Variants in HACD1 observed in about 807,000 individuals in gnomAD.
HACD1 encodes the protein 3-hydroxyacyl-CoA dehydratase 1, also known as very-long-chain (3R)-3-hydroxyacyl-CoA dehydratase 1.
A neutral mutation model predicts 32.0 loss-of-function variants in HACD1; 41 were observed. That is an observed-to-expected ratio of 1.28 (90% CI 1.00 to 1.66). HACD1 has a LOEUF of 1.66. HACD1 is among the 40% of genes most tolerant of loss of function. HACD1 has a pLI of 0.00. For synonymous variants in HACD1, 142 were observed against 139.0 expected (o/e 1.02, Z -0.15); for missense variants, 396 against 380.1 (o/e 1.04, Z -0.35).
At chr10:17,601,181 G>A (rs987293992) in intron 4 of HACD1, among the ~76,000 whole-genome samples, 10 of 151,896 alleles carry the variant, frequency 6.6e-5, no homozygotes, top group South Asian at 2.1e-4. Context: ...CTACAGGTGC[G>A]CACCACCACA....
At chr10:17,596,831 C>G (rs11254679) in intron 5 of HACD1, among the ~76,000 whole-genome samples, 4,244 of 152,138 alleles carry the variant, frequency 0.028, 197 homozygotes, top group African/African-American at 0.097. Context: ...AGGACTTTTC[C>G]AAGAACACTT....
At chr10:17,608,473 C>T (rs558590744) in intron 1 of HACD1, among the ~76,000 whole-genome samples, 2 of 152,172 alleles carry the variant, frequency 1.3e-5, no homozygotes, top group South Asian at 4.1e-4. Flanking sequence ...CGAAGATAGT[C>T]TTCAACTTTC....
rs564809555 is a variant in HACD1, at chr10:17,605,455, G to A, written c.258-1408C>T. On this transcript the variant is annotated intron_variant, in intron 1 of 6. Transcript: ENST00000361271. ...CAGGAGAATTGCTCCAACCTGGGAA[G>A]TGGAGGTTGCAGTGAGCCAAGATCA... Among the ~76,000 whole-genome samples, 231 of 151,504 alleles carry A rather than the reference G, an allele frequency of 1.5e-3. 1 individual carries two copies. Among genetic ancestry groups the A allele is most frequent in the Non-Finnish European group, 2.7e-3 (186 of 67,924 alleles).
At chr10:17,598,338 A>C (rs782777197) in intron 5 of HACD1, among the ~76,000 whole-genome samples, 1 of 151,882 alleles carries the variant, frequency 6.6e-6, no homozygotes, top group Non-Finnish European at 1.5e-5. Flanking sequence ...AGAGATTATA[A>C]GTAATTTAAA....
chr10:17,605,328 C>A (rs1388745919), intron 1 of HACD1, among the ~76,000 whole-genome samples: 1 of 151,940 alleles, frequency 6.6e-6, no homozygotes, highest in Non-Finnish European at 1.5e-5. Context: ...GGTTTGAGAC[C>A]AGTCTGGCCA....
intron 5 of HACD1, among the ~76,000 whole-genome samples, chr10:17,597,054 ATTAT>A (rs879960772): frequency 5.0e-4 from 76 of 152,306 alleles, no homozygotes; most frequent in Non-Finnish European, 4.6e-4. Flanking sequence ...ATGAAACATA[ATTAT>A]TTATGATTAT....
intron 6 of HACD1, 34 bp from the exon 7 acceptor site, chr10:17,590,480 T>C (rs1554815487): frequency 1.4e-6 from 2 of 1,476,816 alleles, no homozygotes; most frequent in South Asian, 2.4e-5. Context: ...AAAAACAAGC[T>C]ATTGCTTTAA....
At position 17,603,631 on chromosome 10, in the gene HACD1, C is replaced by T. The variant is rs141646017; in HGVS notation, c.412G>A (p.Val138Met). The change falls in exon 4 of 7, where the codon GTG becomes ATG. Residue 138 changes from valine (V) to methionine (M), a missense_variant. Val to Met is a conservative substitution (Grantham distance 21). Transcript: ENST00000361271. ...CTCACTTGGACCCCAGTCACAATCACAGAAGTAGGTACAATTCCTTAAAAA... is the reference window on the plus strand; with the variant it reads ...CTCACTTGGACCCCAGTCACAATCATAGAAGTAGGTACAATTCCTTAAAAA... Reference protein sequence around the residue: ...HCLIGIVPTSVIVTGVQVSSR... With the variant: ...HCLIGIVPTSMIVTGVQVSSR... The T allele has an allele frequency of 8.3e-5, 134 of 1,613,214 alleles. No individual in the cohort carries two copies. Among genetic ancestry groups the T allele is most frequent in the Admixed American group, 1.3e-4 (8 of 60,004 alleles).
chr10:17,611,003 T>C (rs919760245), intron 1 of HACD1, among the ~76,000 whole-genome samples: 4 of 147,168 alleles, frequency 2.7e-5, no homozygotes, highest in Non-Finnish European at 4.5e-5. Flanking sequence ...CCTCTTCTTT[T>C]TTTTTTTTTT....
chr10:17,590,078 C>G lies in HACD1; in HGVS notation c.*286G>C, dbSNP rs1364474515. The G allele has an allele frequency of 5.5e-5, 11 of 201,542 alleles. No homozygotes were observed. Among genetic ancestry groups the G allele is most frequent in the African/African-American group, 1.8e-4 (8 of 43,340 alleles). 12.5% of individuals were successfully genotyped at this position (201,542 alleles called of 1,614,324 possible). Reference sequence around the variant, plus strand: ...GATTTAAAAAGCTTTGAGCATGTTTCAAAAAAAACTTAGCAAAAGTTTTTT... The same window carrying G: ...GATTTAAAAAGCTTTGAGCATGTTTGAAAAAAAACTTAGCAAAAGTTTTTT... On this transcript the variant is annotated 3_prime_UTR_variant, in exon 7 of 7. Coordinates refer to ENST00000361271, the MANE Select transcript of HACD1 (RefSeq NM_014241.4).
chr10:17,590,589 A>G, intron 6 of HACD1, 143 bp from the exon 7 acceptor site: 2 of 529,778 alleles, frequency 3.8e-6, no homozygotes, highest in East Asian at 6.5e-5. Context: ...GCTCAAGACT[A>G]TAAGAGTGCA....
At chr10:17,609,315 G>A (rs546328560) in intron 1 of HACD1, among the ~76,000 whole-genome samples, 162 of 151,860 alleles carry the variant, frequency 1.1e-3, no homozygotes, top group Non-Finnish European at 1.9e-3. Flanking sequence ...CACCACGCCC[G>A]GCTAATTTGT....
At position 17,590,202 on chromosome 10, in the gene HACD1, C is replaced by T; in HGVS notation, c.*162G>A. 2.2e-6 allele frequency: 1 copy of T among 463,834 alleles called. No individual in the cohort carries two copies. The highest frequency in any genetic ancestry group is 4.0e-5 in the Admixed American group (1 of 24,856). 28.7% of individuals were successfully genotyped at this position (463,834 alleles called of 1,614,324 possible). ...GTTCTTGTAAAAAATAGATCTGGCA[C>T]AAGAGGAACACAAATACTGGCAAAT... is the stretch of plus-strand genomic sequence containing the variant. On this transcript the variant is annotated 3_prime_UTR_variant, in exon 7 of 7. Coordinates refer to ENST00000361271, the MANE Select transcript of HACD1 (RefSeq NM_014241.4).
intron 1 of HACD1, among the ~76,000 whole-genome samples, chr10:17,611,328 C>T (rs1834232924): frequency 6.6e-6 from 1 of 152,126 alleles, no homozygotes; most frequent in South Asian, 2.1e-4. Flanking sequence ...CAACAGATGT[C>T]TTGCAATTTC....
At position 17,617,277 on chromosome 10, in the gene HACD1, C is replaced by A; in HGVS notation, c.63G>T (p.Gly21=). Residue 21 remains glycine, a synonymous_variant, in exon 1 of 7, where the codon GGG becomes GGT. Coordinates refer to ENST00000361271, the MANE Select transcript of HACD1 (RefSeq NM_014241.4). ...GSGSRAAGWA[G]SPPTLLPLSP... is the part of the protein sequence containing the mutation. ...ACAGCGGCAGGAGCGTGGGAGGGGA[C>A]CCTGCCCAGCCTGCAGCCCGAGAGC... 1 of 1,465,244 alleles carries A rather than the reference C, an allele frequency of 6.8e-7. No individual in the cohort carries two copies. 90.8% of individuals were successfully genotyped at this position (1,465,244 alleles called of 1,614,324 possible). A position where few individuals can be genotyped will look rare whatever the true frequency, so the allele number is the denominator to read the frequency against.
chr10:17,617,047 C>A lies in HACD1; in HGVS notation c.257+36G>T, dbSNP rs782668289. 5.0e-6 allele frequency: 7 copies of A among 1,389,988 alleles called. No individual in the cohort carries two copies. The African/African-American group carries it at 7.6e-5, about 15-fold the overall frequency. The allele number at this position is 1,389,988 out of a possible 1,614,324, so 86.1% of individuals were successfully genotyped here. On this transcript the variant is annotated intron_variant, in intron 1 of 6. Transcript: ENST00000361271. ...CCCGGAACCTCCGCGGACCGCGGCG[C>A]GGGGAGGGCCCGAGGGTGCCCCGCG... is the stretch of plus-strand genomic sequence containing the variant.
chr10:17,598,264 A>AC (rs1834021677), intron 5 of HACD1, among the ~76,000 whole-genome samples: 1 of 150,360 alleles, frequency 6.7e-6, no homozygotes, highest in Non-Finnish European at 1.5e-5. Context: ...TGTCTCAAAA[A>AC]AAAAAAAAAA....
In HACD1 at chr10:17,589,975, T is replaced by C. The variant is rs76241184; in HGVS notation, c.*389A>G. ...ATTAACAAGTTGTTATAATTTTGCA[T>C]TTATTTTCATTTATAAATATCACAT... On this transcript the variant is annotated 3_prime_UTR_variant, in exon 7 of 7. Transcript: ENST00000361271. The C allele has an allele frequency of 0.025, 3,760 of 153,064 alleles. 67 individuals are homozygous for C. Among genetic ancestry groups the C allele is most frequent in the Middle Eastern group, 0.068 (20 of 296 alleles). 9.5% of individuals were successfully genotyped at this position (153,064 alleles called of 1,614,324 possible). A position where few individuals can be genotyped will look rare whatever the true frequency, so the allele number is the denominator to read the frequency against.
intron 4 of HACD1, chr10:17,603,347 T>G: frequency 2.1e-6 from 1 of 480,728 alleles, no homozygotes; most frequent in South Asian, 3.3e-5. Flanking sequence ...GAGAATATAT[T>G]ACGGATCTAA....
Sources: allele counts gnomAD v4.1 joint callset (sites outside exome capture counted in the v4.1 genomes callset), GRCh38; gene constraint gnomAD v4.1.1; transcripts MANE v1.5; gene names NCBI Gene and HGNC (gene_info 2026-07-23, HGNC 2026-07-21).